The following TMEM40 variants were observed in gnomAD, a reference collection of about 807,000 sequenced individuals.
TMEM40 encodes the protein transmembrane protein 40.
TMEM40 carries 34 observed loss-of-function variants against 40.8 expected under a neutral mutation model. The observed-to-expected ratio is 0.83, with a 90% confidence interval of 0.63 to 1.11. TMEM40 has a LOEUF of 1.11. TMEM40 is among the 50% of genes least tolerant of loss of function. The probability of loss-of-function intolerance (pLI) is 0.00; values close to 1 mark genes in which losing one functional copy is unlikely to be tolerated. For synonymous variants in TMEM40, 106 were observed against 107.0 expected, an observed-to-expected ratio of 0.99 and a Z score of 0.06; for missense variants, 296 against 280.2, an observed-to-expected ratio of 1.06 and a Z score of -0.40.
Position 12,749,407 on chromosome 3 carries a change from A to C in TMEM40, c.73+353T>G, listed in dbSNP as rs186032150. On this transcript the variant is annotated intron_variant, in intron 2 of 11. Transcript: ENST00000314124. Reference sequence around the variant, plus strand: ...GTTGCTAATTTAGGATCCTCTGTACATTACAGCCAAGATGAGGTGTGATCA... The same window carrying C: ...GTTGCTAATTTAGGATCCTCTGTACCTTACAGCCAAGATGAGGTGTGATCA... 2.2e-3 allele frequency among the ~76,000 whole-genome samples: 328 copies of C among 152,320 alleles called. 1 individual carries two copies. The highest frequency in any genetic ancestry group is 7.4e-3 in the African/African-American group (307 of 41,574).
chr3:12,767,858 T>C (rs990734687), intron 1 of TMEM40, among the ~76,000 whole-genome samples: 12 of 152,146 alleles, frequency 7.9e-5, no homozygotes, highest in African/African-American at 2.9e-4. Context: ...GGGAGGAATA[T>C]GGTGCAGCTC....
At chr3:12,758,164 T>C (rs1418085255) in intron 1 of TMEM40, among the ~76,000 whole-genome samples, 2 of 151,962 alleles carry the variant, frequency 1.3e-5, no homozygotes, top group Non-Finnish European at 2.9e-5. Context: ...AGGCCCAGCA[T>C]GGTCCCTGAC....
At chr3:12,767,141 TG>T (rs1372788153) in intron 1 of TMEM40, among the ~76,000 whole-genome samples, 2 of 152,160 alleles carry the variant, frequency 1.3e-5, no homozygotes, top group Non-Finnish European at 2.9e-5. Context: ...ACCTTGAAGC[TG>T]GGGAGGTTAA....
chr3:12,749,407 A>G (rs186032150), intron 2 of TMEM40, among the ~76,000 whole-genome samples: 1 of 152,320 alleles, frequency 6.6e-6, no homozygotes, highest in East Asian at 1.9e-4. Flanking sequence ...TCCTCTGTAC[A>G]TTACAGCCAA....
intron 8 of TMEM40, chr3:12,737,376 T>C: frequency 5.4e-6 from 2 of 370,638 alleles, no homozygotes; most frequent in Non-Finnish European, 9.7e-6. Flanking sequence ...GACCCTCCAG[T>C]TCCCCATCCT....
Position 12,749,650 on chromosome 3 carries a change from T to C in TMEM40, c.73+110A>G, listed in dbSNP as rs1169850374. 8 of 902,690 alleles carry C rather than the reference T, an allele frequency of 8.9e-6. No individual in the cohort carries two copies. The African/African-American group carries it at 1.3e-4, about 15-fold the overall frequency. The allele number at this position is 902,690 out of a possible 1,614,324, so 55.9% of individuals were successfully genotyped here. On this transcript the variant is annotated intron_variant, in intron 2 of 11. Transcript: ENST00000314124. ...CACTACTTCCCCATTTCAGCTGTGA[T>C]TTGAGGCCCTGTGCAACGTGAGTTG...
intron 5 of TMEM40, among the ~76,000 whole-genome samples, chr3:12,739,671 T>C (rs926880948): frequency 8.6e-5 from 13 of 152,034 alleles, no homozygotes; most frequent in Non-Finnish European, 1.2e-4. Flanking sequence ...TCCTCCCACC[T>C]TGGCCTCCCA....
chr3:12,764,177 G>C (rs946967983), upstream of TMEM40, among the ~76,000 whole-genome samples: 28 of 152,272 alleles, frequency 1.8e-4, no homozygotes, highest in African/African-American at 6.5e-4. Context: ...GCCTCCCAAA[G>C]TGTTGGTATT....
intron 1 of TMEM40, among the ~76,000 whole-genome samples, chr3:12,765,030 C>A (rs1161261173): frequency 6.6e-6 from 1 of 152,028 alleles, no homozygotes; most frequent in Admixed American, 6.6e-5. Context: ...TGCCACCATG[C>A]CTGGCTAATT....
At chr3:12,755,233 C>CTCTCTGTCTTTCTTTCTTTCTTTCTT (rs1553634013) in intron 1 of TMEM40, among the ~76,000 whole-genome samples, 1 of 59,886 alleles carries the variant, frequency 1.7e-5, no homozygotes, top group Non-Finnish European at 3.3e-5. Flanking sequence ...CTCTCTCTCT[C>CTCTCTGTCTTTCTTTCTTTCTTTCTT]TCTTTCTTTC....
chr3:12,752,521 G>A (rs1309573108), intron 1 of TMEM40, among the ~76,000 whole-genome samples: 3 of 152,182 alleles, frequency 2.0e-5, no homozygotes, highest in African/African-American at 4.8e-5. Context: ...AGGACCGGCC[G>A]GGCGCGGTGG....
chr3:12,766,908 C>G (rs373174781), intron 1 of TMEM40, among the ~76,000 whole-genome samples: 2 of 152,092 alleles, frequency 1.3e-5, no homozygotes, highest in Non-Finnish European at 2.9e-5. Context: ...CCTTGTGGAA[C>G]GAGAGATCTT....
intron 3 of TMEM40, among the ~76,000 whole-genome samples, chr3:12,744,818 A>G (rs2061414237): frequency 6.6e-6 from 1 of 152,182 alleles, no homozygotes; most frequent in Non-Finnish European, 1.5e-5. Flanking sequence ...CCAGGAAACC[A>G]AATTAATTGT....
rs1389896021 is a variant in TMEM40, at chr3:12,749,917, T to G, written c.-8-77A>C. The G allele has an allele frequency of 9.8e-6, 13 of 1,323,074 alleles. 1 individual carries two copies. Among genetic ancestry groups the G allele is most frequent in the Non-Finnish European group, 1.2e-5 (11 of 949,426 alleles). The allele number at this position is 1,323,074 out of a possible 1,614,324, so 82.0% of individuals were successfully genotyped here. On this transcript the variant is annotated intron_variant, in intron 1 of 11. Transcript: ENST00000314124. ...ATATACAAAGAGCTTGGCAAATAAA[T>G]AAGAAAAAGACAAACACTCAACATT...
intron 1 of TMEM40, among the ~76,000 whole-genome samples, chr3:12,753,342 G>A (rs543101953): frequency 4.1e-4 from 62 of 149,624 alleles, no homozygotes; most frequent in African/African-American, 1.1e-3. Flanking sequence ...TCAACCTCCC[G>A]AGTAGCTGGG....
chr3:12,743,497 A>G (rs1398228916), intron 4 of TMEM40, among the ~76,000 whole-genome samples: 1 of 152,206 alleles, frequency 6.6e-6, no homozygotes, highest in Non-Finnish European at 1.5e-5. Flanking sequence ...ATAAAAAATA[A>G]AACATGCTCA....
rs748125475 is a variant in TMEM40 at position 12,736,610 on chromosome 3, G to T, written c.587C>A (p.Ser196Tyr). Reference sequence around the variant, plus strand: ...GAAGTAGATGCCAACGGTTTCCAGGGAGGCGAAGGTGAGCAGGCCGACCCC... The same window carrying T: ...GAAGTAGATGCCAACGGTTTCCAGGTAGGCGAAGGTGAGCAGGCCGACCCC... Reference protein sequence around the residue: ...SLGVGLLTFASLETVGIYFGL... With the variant: ...SLGVGLLTFAYLETVGIYFGL... Residue 196 changes from serine (S) to tyrosine (Y), a missense_variant, in exon 10 of 12, where the codon TCC (serine) becomes TAC (tyrosine). Physicochemically the swap from Ser to Tyr is moderately radical, Grantham distance 144. Coordinates refer to ENST00000314124, the MANE Select transcript of TMEM40 (RefSeq NM_018306.4). 1 of 1,566,972 alleles carries T rather than the reference G, an allele frequency of 6.4e-7. No individual in the cohort carries two copies. Among genetic ancestry groups the T allele is most frequent in the South Asian group, 1.2e-5 (1 of 86,264 alleles).
intron 11 of TMEM40, among the ~76,000 whole-genome samples, chr3:12,735,008 C>G (rs767417816): frequency 2.6e-5 from 4 of 152,206 alleles, no homozygotes; most frequent in Non-Finnish European, 5.9e-5. Context: ...CACAGCCACA[C>G]AGCCACTTGG....
intron 1 of TMEM40, among the ~76,000 whole-genome samples, chr3:12,752,521 G>C (rs1309573108): frequency 6.6e-6 from 1 of 152,184 alleles, no homozygotes; most frequent in Non-Finnish European, 1.5e-5. Flanking sequence ...AGGACCGGCC[G>C]GGCGCGGTGG....
Sources: allele counts gnomAD v4.1 joint callset (sites outside exome capture counted in the v4.1 genomes callset), GRCh38; gene constraint gnomAD v4.1.1; transcripts MANE v1.5; gene names NCBI Gene and HGNC (gene_info 2026-07-23, HGNC 2026-07-21).